The following NPAS3 variants were observed in gnomAD, a reference collection of about 807,000 sequenced individuals.
The protein encoded by NPAS3 is neuronal PAS domain-containing protein 3.
Under a neutral mutation model 73.1 loss-of-function variants are expected in NPAS3, and 14 were observed. The ratio of observed to expected loss-of-function variants is 0.19; its 90% CI spans 0.13 to 0.30. NPAS3 has a LOEUF of 0.30. Ranked by LOEUF, NPAS3 falls within the 10% of genes least tolerant of loss-of-function variation. The pLI is 1.00. For missense variants in NPAS3, 1,096 were observed against 1,250.0 expected, an observed-to-expected ratio of 0.88 and a Z score of 1.86; for synonymous variants, 620 against 541.5, an observed-to-expected ratio of 1.14 and a Z score of -2.01.
chr14:33,105,460 A>G (rs1237474303), intron 2 of NPAS3, among the ~76,000 whole-genome samples: 1 of 152,140 alleles, frequency 6.6e-6, no homozygotes, highest in Non-Finnish European at 1.5e-5. Context: ...TATGACTTCA[A>G]AGCATCATTT....
intron 5 of NPAS3, among the ~76,000 whole-genome samples, chr14:33,611,425 A>T (rs1053403691): frequency 5.3e-5 from 8 of 152,156 alleles, no homozygotes; most frequent in African/African-American, 1.7e-4. Context: ...TGGATGTTTC[A>T]TGAGAAGAGA....
chr14:33,542,384 C>T (rs1249088809), intron 4 of NPAS3, among the ~76,000 whole-genome samples: 1 of 152,166 alleles, frequency 6.6e-6, no homozygotes, highest in Non-Finnish European at 1.5e-5. Flanking sequence ...GTTATCCACA[C>T]GTCATCTGCC....
chr14:33,060,547 G>A (rs2041059475), intron 2 of NPAS3, among the ~76,000 whole-genome samples: 1 of 152,196 alleles, frequency 6.6e-6, no homozygotes. Context: ...AGCAGAAGAG[G>A]CCATTGGCAA....
At chr14:33,541,570 C>T (rs755563879) in intron 4 of NPAS3, among the ~76,000 whole-genome samples, 1 of 152,100 alleles carries the variant, frequency 6.6e-6, no homozygotes, top group African/African-American at 2.4e-5. Flanking sequence ...TTGGGAAAAC[C>T]GATGCACTCC....
intron 1 of NPAS3, among the ~76,000 whole-genome samples, chr14:33,006,159 C>G (rs1347017815): frequency 1.3e-5 from 2 of 152,166 alleles, no homozygotes; most frequent in East Asian, 1.9e-4. Context: ...CTTCTCCCTT[C>G]AGAACATTCC....
intron 3 of NPAS3, among the ~76,000 whole-genome samples, chr14:33,347,468 A>G (rs2044796156): frequency 6.6e-6 from 1 of 152,264 alleles, no homozygotes; most frequent in Admixed American, 6.5e-5. Flanking sequence ...AATATGTTAT[A>G]AGTGCTTAAA....
chr14:32,978,113 G>T lies in NPAS3; in HGVS notation c.50+38747G>T, dbSNP rs182417311. 3.3e-4 allele frequency among the ~76,000 whole-genome samples: 30 copies of T among 90,846 alleles called. No individual in the cohort carries two copies. In the East Asian group the frequency reaches 8.9e-3, roughly 27 times the overall value. The allele number at this position is 90,846 out of a possible 152,430, so 59.6% of individuals were successfully genotyped here. A position where few individuals can be genotyped will look rare whatever the true frequency, so the allele number is the denominator to read the frequency against. On this transcript the variant is annotated intron_variant, in intron 1 of 11. Coordinates refer to ENST00000356141, the Ensembl canonical transcript of NPAS3. Reference sequence around the variant, plus strand: ...TTTACAAATGAGGAAGTGAAGATGTGGGGGGGTGAGAAAACTTGCCTTCAG... The same window carrying T: ...TTTACAAATGAGGAAGTGAAGATGTTGGGGGGTGAGAAAACTTGCCTTCAG...
intron 4 of NPAS3, among the ~76,000 whole-genome samples, chr14:33,540,663 AG>A (rs2054469716): frequency 6.6e-6 from 1 of 152,164 alleles, no homozygotes; most frequent in Admixed American, 6.6e-5. Flanking sequence ...TGACAAGAGA[AG>A]GGGGAAAAAT....
At position 33,609,678 on chromosome 14, in the gene NPAS3, G is replaced by GC. The variant is rs74822854; in HGVS notation, c.558+49470dup. Among the ~76,000 whole-genome samples the GC allele has an allele frequency of 0.013, 2,013 of 152,140 alleles. 102 individuals carry two copies. The East Asian group carries it at 0.19, about 15-fold the overall frequency. On this transcript the variant is annotated intron_variant, in intron 5 of 11. Coordinates refer to ENST00000356141, the Ensembl canonical transcript of NPAS3. ...TCATCCCTAAGATGTAAGAGCTCCA[G>GC]CCATTTGAAATTAGCCTTTGTGGGT...
At chr14:33,075,103 ATC>A (rs1360913870) in intron 2 of NPAS3, among the ~76,000 whole-genome samples, 7 of 152,210 alleles carry the variant, frequency 4.6e-5, no homozygotes, top group African/African-American at 1.7e-4. Context: ...TAACACCAGA[ATC>A]TCAGCATCAA....
At chr14:33,386,164 A>G (rs948983764) in intron 4 of NPAS3, among the ~76,000 whole-genome samples, 1 of 152,102 alleles carries the variant, frequency 6.6e-6, no homozygotes. Flanking sequence ...TATACTCTTG[A>G]TATATTTATT....
intron 4 of NPAS3, among the ~76,000 whole-genome samples, chr14:33,500,177 T>A (rs572278752): frequency 2.1e-4 from 32 of 151,774 alleles, no homozygotes; most frequent in Admixed American, 1.6e-3. Context: ...ACCCACAGAG[T>A]CTCTGTTGGG....
intron 2 of NPAS3, among the ~76,000 whole-genome samples, chr14:33,072,386 CTG>C (rs1289427079): frequency 6.6e-6 from 1 of 152,174 alleles, no homozygotes; most frequent in Non-Finnish European, 1.5e-5. Context: ...TTAGAAATCA[CTG>C]TATTATATTT....
At chr14:33,578,226 T>C in intron 5 of NPAS3, 1 of 455,926 alleles carries the variant, frequency 2.2e-6, no homozygotes, top group East Asian at 7.0e-5. Flanking sequence ...GGAGTTTTAC[T>C]CTTGTTGCCC....
At chr14:33,785,593 A>C (rs2063146497) in intron 9 of NPAS3, among the ~76,000 whole-genome samples, 1 of 152,206 alleles carries the variant, frequency 6.6e-6, no homozygotes, top group South Asian at 2.1e-4. Flanking sequence ...ACATTCAATG[A>C]TACCTCACAT....
chr14:33,008,676 T>C (rs1260852403), intron 1 of NPAS3, among the ~76,000 whole-genome samples: 1 of 152,196 alleles, frequency 6.6e-6, no homozygotes, highest in Non-Finnish European at 1.5e-5. Flanking sequence ...GAGGGTTTTA[T>C]AGGAAATATA....
chr14:33,353,788 A>G (rs1005104857), intron 3 of NPAS3, among the ~76,000 whole-genome samples: 4 of 152,214 alleles, frequency 2.6e-5, no homozygotes, highest in Admixed American at 2.6e-4. Flanking sequence ...CAGGACTAGC[A>G]GAATGGAGAC....
chr14:33,210,121 C>T (rs1407394316), intron 2 of NPAS3, among the ~76,000 whole-genome samples: 1 of 152,164 alleles, frequency 6.6e-6, no homozygotes, highest in East Asian at 1.9e-4. Context: ...ATAACCTTCT[C>T]TGTGAAGTGG....
At chr14:33,375,635 G>T (rs1030036372) in intron 4 of NPAS3, among the ~76,000 whole-genome samples, 2 of 152,068 alleles carry the variant, frequency 1.3e-5, no homozygotes, top group East Asian at 3.9e-4. Flanking sequence ...TAAAAAGAAA[G>T]AATGAAAAAG....
Sources: allele counts gnomAD v4.1 joint callset (sites outside exome capture counted in the v4.1 genomes callset), GRCh38; gene constraint gnomAD v4.1.1; transcripts MANE v1.5; gene names NCBI Gene and HGNC (gene_info 2026-07-23, HGNC 2026-07-21).